STARD3NL: variants seen among roughly 807,000 people sequenced by gnomAD.
STARD3NL encodes the protein STARD3 N-terminal-like protein.
STARD3NL carries 17 observed loss-of-function variants against 30.9 expected under a neutral mutation model. The ratio of observed to expected loss-of-function variants is 0.55; its 90% CI spans 0.38 to 0.82. The LOEUF is 0.82. Ranked by LOEUF, STARD3NL falls within the 40% of genes least tolerant of loss-of-function variation. STARD3NL has a pLI of 0.00. For synonymous variants in STARD3NL, 112 were observed against 100.5 expected (o/e 1.11, Z -0.69); for missense variants, 234 against 277.6 (o/e 0.84, Z 1.12).
intron 7 of STARD3NL, among the ~76,000 whole-genome samples, chr7:38,228,303 C>T (rs369342722): frequency 2.0e-5 from 3 of 152,262 alleles, no homozygotes; most frequent in African/African-American, 7.2e-5. Flanking sequence ...AGCGGAATGA[C>T]CAGGTCAAAT....
chr7:38,180,434 A>G (rs1784201015), intron 1 of STARD3NL, among the ~76,000 whole-genome samples: 1 of 152,176 alleles, frequency 6.6e-6, no homozygotes, highest in African/African-American at 2.4e-5. Context: ...TCCAAGCCAA[A>G]TTCTAGGAAG....
chr7:38,217,138 A>T (rs1487817344), intron 5 of STARD3NL, 50 bp from the exon 6 acceptor site: 2 of 1,613,510 alleles, frequency 1.2e-6, no homozygotes, highest in Non-Finnish European at 1.7e-6. Context: ...CTCGTTTTTC[A>T]GTGTGAGTTT....
chr7:38,203,590 C>CAAAA (rs1785291962), intron 1 of STARD3NL, among the ~76,000 whole-genome samples: 1 of 152,128 alleles, frequency 6.6e-6, no homozygotes, highest in Admixed American at 6.5e-5. Context: ...AAATAACCAG[C>CAAAA]TAACATCATA....
At chr7:38,211,471 G>A (rs550413415) in intron 2 of STARD3NL, among the ~76,000 whole-genome samples, 1 of 152,268 alleles carries the variant, frequency 6.6e-6, no homozygotes, top group African/African-American at 2.4e-5. Context: ...TCAAGTGCTT[G>A]TATTTGGAGG....
At chr7:38,224,851 G>A (rs1479034987) in intron 7 of STARD3NL, among the ~76,000 whole-genome samples, 3 of 152,132 alleles carry the variant, frequency 2.0e-5, no homozygotes, top group African/African-American at 7.2e-5. Context: ...AACATATGCT[G>A]AACTTTATCA....
At chr7:38,187,053 GA>G (rs1784491236) in intron 1 of STARD3NL, among the ~76,000 whole-genome samples, 1 of 151,886 alleles carries the variant, frequency 6.6e-6, no homozygotes, top group Admixed American at 6.6e-5. Context: ...ACAAATGAAA[GA>G]ACATTCTTAA....
At chr7:38,185,194 G>T (rs1032360867) in intron 1 of STARD3NL, among the ~76,000 whole-genome samples, 1 of 152,114 alleles carries the variant, frequency 6.6e-6, no homozygotes, top group Non-Finnish European at 1.5e-5. Flanking sequence ...TTGAGGGTCT[G>T]ATTTTCTTTA....
intron 6 of STARD3NL, among the ~76,000 whole-genome samples, chr7:38,219,010 T>G (rs1296612625): frequency 6.6e-6 from 1 of 152,212 alleles, no homozygotes; most frequent in Non-Finnish European, 1.5e-5. Flanking sequence ...GTTTTGATAC[T>G]GTGCTTTTTT....
At chr7:38,204,885 G>A (rs1342396844) in intron 1 of STARD3NL, among the ~76,000 whole-genome samples, 1 of 152,078 alleles carries the variant, frequency 6.6e-6, no homozygotes, top group African/African-American at 2.4e-5. Context: ...AGAAAATCTA[G>A]AAGAAATGGA....
intron 6 of STARD3NL, among the ~76,000 whole-genome samples, chr7:38,217,576 C>CA (rs2116360512): frequency 6.6e-6 from 1 of 152,286 alleles, no homozygotes; most frequent in African/African-American, 2.4e-5. Context: ...CAAGCAATAA[C>CA]AAAAAATAGC....
intron 2 of STARD3NL, among the ~76,000 whole-genome samples, chr7:38,209,246 CTG>C (rs1448809399): frequency 6.6e-6 from 1 of 151,590 alleles, no homozygotes; most frequent in African/African-American, 2.4e-5. Context: ...GATTTCAAAA[CTG>C]TAGCTATGTA....
At chr7:38,186,416 G>T (rs1239538895) in intron 1 of STARD3NL, among the ~76,000 whole-genome samples, 1 of 152,170 alleles carries the variant, frequency 6.6e-6, no homozygotes, top group African/African-American at 2.4e-5. Context: ...TGTACTTGTG[G>T]AAGTGACCTT....
intron 7 of STARD3NL, among the ~76,000 whole-genome samples, chr7:38,226,152 GTTTT>G (rs11286474): frequency 5.9e-5 from 6 of 102,468 alleles, no homozygotes; most frequent in Non-Finnish European, 5.7e-5. Flanking sequence ...TGCCTATCTT[GTTTT>G]TTTTTTTTTT....
intron 2 of STARD3NL, among the ~76,000 whole-genome samples, chr7:38,213,926 T>C (rs1464960287): frequency 6.6e-6 from 1 of 152,222 alleles, no homozygotes; most frequent in African/African-American, 2.4e-5. Flanking sequence ...ATGGCCATCA[T>C]TGACGTTTGC....
At chr7:38,193,312 A>G (rs1157909266) in intron 1 of STARD3NL, among the ~76,000 whole-genome samples, 2 of 133,546 alleles carry the variant, frequency 1.5e-5, no homozygotes, top group Non-Finnish European at 3.3e-5. Context: ...TGTTGTTGTT[A>G]TTTTGAGATG....
chr7:38,196,544 A>T (rs1442918557), intron 1 of STARD3NL, among the ~76,000 whole-genome samples: 1 of 152,004 alleles, frequency 6.6e-6, no homozygotes, highest in African/African-American at 2.4e-5. Context: ...TCATACATAA[A>T]CTTCTTTTTC....
At chr7:38,222,141 TCACACACACACACACACA>T (rs3223376) in intron 7 of STARD3NL, among the ~76,000 whole-genome samples, 21 of 144,302 alleles carry the variant, frequency 1.5e-4, no homozygotes, top group East Asian at 8.4e-4. Flanking sequence ...GTTAATATTT[TCACACACACACACACACA>T]CACACACACA....
intron 1 of STARD3NL, among the ~76,000 whole-genome samples, chr7:38,203,951 C>T (rs1018053905): frequency 1.3e-5 from 2 of 151,710 alleles, no homozygotes; most frequent in Admixed American, 6.6e-5. Context: ...TATATGCACC[C>T]AATACAGGAG....
intron 1 of STARD3NL, among the ~76,000 whole-genome samples, chr7:38,187,133 T>A (rs80343932): frequency 0.014 from 2,115 of 152,300 alleles, 25 homozygotes; most frequent in Non-Finnish European, 0.024. Flanking sequence ...ACATGCCAGC[T>A]GGCTGACTCA....
Sources: gnomAD v4.1 joint callset for allele counts (sites outside exome capture counted in the v4.1 genomes callset) on GRCh38, gnomAD v4.1.1 for gene constraint, MANE v1.5 for transcripts, NCBI Gene and HGNC (gene_info 2026-07-23, HGNC 2026-07-21) for gene names.